Variants in HECW2 observed in about 807,000 individuals in gnomAD.
HECW2 encodes E3 ubiquitin-protein ligase HECW2.
Under a neutral mutation model 175.2 loss-of-function variants are expected in HECW2, and 61 were observed. That is an observed-to-expected ratio of 0.35 (90% CI 0.28 to 0.43). The LOEUF is 0.43. HECW2 is among the 20% of genes least tolerant of loss of function. The pLI is 1.00. For missense variants in HECW2, 1,524 were observed against 2,000.5 expected, an observed-to-expected ratio of 0.76 and a Z score of 4.54; for synonymous variants, 671 against 731.0, an observed-to-expected ratio of 0.92 and a Z score of 1.32.
intron 28 of HECW2, among the ~76,000 whole-genome samples, chr2:196,207,717 G>A (rs948456387): frequency 1.3e-5 from 2 of 152,112 alleles, no homozygotes; most frequent in Admixed American, 6.5e-5. Context: ...CACAAGGTTC[G>A]GCACTTAGTA....
In HECW2 at chr2:196,317,342, A is replaced by G. The variant is rs1691737511; in HGVS notation, c.2366T>C (p.Leu789Pro). ...GGSQANGHQP[L>P]RSLPSVRQDV... ...CTGGCGCACTGAAGGTAGTGATCGC[A>G]GTGGCTGGTGGCCGTTGGCTTGAGA... Residue 789 changes from leucine (L) to proline (P), a missense_variant, in exon 10 of 29, where the codon CTG becomes CCG. Around this residue, in one of 11 missense-constraint regions of HECW2, gnomAD observed 82 missense variants for 124.4 expected, o/e 0.66. Coordinates refer to ENST00000644978, the MANE Select transcript of HECW2 (RefSeq NM_001348768.2). 1 of 1,613,440 alleles carries G rather than the reference A, an allele frequency of 6.2e-7. No individual in the cohort carries two copies. The highest frequency in any genetic ancestry group is 8.5e-7 in the Non-Finnish European group (1 of 1,179,730).
At chr2:196,378,813 C>CA (rs1439005193) in intron 2 of HECW2, among the ~76,000 whole-genome samples, 2 of 151,998 alleles carry the variant, frequency 1.3e-5, no homozygotes, top group East Asian at 3.9e-4. Context: ...AAACATTAGA[C>CA]AAAAAAATCA....
In HECW2 at chr2:196,278,133, A is replaced by AAAAAAAAAATATATATATAT. The variant is rs531920307; in HGVS notation, c.3135+394_3135+395insATATATATATATTTTTTTTT. On this transcript the variant is annotated intron_variant, in intron 15 of 28. Coordinates refer to ENST00000644978, the MANE Select transcript of HECW2 (RefSeq NM_001348768.2). ...CCTAGAACTTAAAGTATAATTAAAA[A>AAAAAAAAAATATATATATAT]ATATATATATATATATATAAAGAAA... Among the ~76,000 whole-genome samples the AAAAAAAAAATATATATATAT allele has an allele frequency of 5.6e-3, 370 of 66,504 alleles. 8 individuals carry two copies. Among genetic ancestry groups the AAAAAAAAAATATATATATAT allele is most frequent in the African/African-American group, 0.015 (363 of 24,260 alleles). 43.6% of individuals were successfully genotyped at this position (66,504 alleles called of 152,430 possible). A position where few individuals can be genotyped will look rare whatever the true frequency, so the allele number is the denominator to read the frequency against.
intron 1 of HECW2, among the ~76,000 whole-genome samples, chr2:196,565,885 T>C (rs1257175086): frequency 6.6e-6 from 1 of 152,214 alleles, no homozygotes; most frequent in Non-Finnish European, 1.5e-5. Flanking sequence ...CTTTCCCTAC[T>C]TTCAAACTCA....
At chr2:196,248,986 A>G (rs1417860787) in intron 19 of HECW2, among the ~76,000 whole-genome samples, 1 of 152,160 alleles carries the variant, frequency 6.6e-6, no homozygotes. Context: ...TCATAGGCAC[A>G]ATGATCCCCC....
chr2:196,385,226 C>G (rs978904153), intron 2 of HECW2, among the ~76,000 whole-genome samples: 4 of 152,054 alleles, frequency 2.6e-5, no homozygotes, highest in African/African-American at 9.7e-5. Flanking sequence ...GGTTTCTTTT[C>G]TGTATCTCAT....
intron 1 of HECW2, among the ~76,000 whole-genome samples, chr2:196,549,817 G>A (rs562577543): frequency 8.5e-5 from 13 of 152,286 alleles, no homozygotes; most frequent in Middle Eastern, 3.4e-3. Context: ...GATACTCATA[G>A]CAAAGTATAT....
chr2:196,507,023 T>C (rs1200190265), intron 1 of HECW2, among the ~76,000 whole-genome samples: 2 of 152,202 alleles, frequency 1.3e-5, no homozygotes, highest in Non-Finnish European at 2.9e-5. Context: ...GGAATGGCTA[T>C]TAGAATTTTT....
chr2:196,204,468 C>T (rs1005325821), intron 28 of HECW2, among the ~76,000 whole-genome samples: 6 of 152,130 alleles, frequency 3.9e-5, no homozygotes, highest in African/African-American at 1.2e-4. Flanking sequence ...AAGAAGGAAG[C>T]TACTATGAAT....
intron 1 of HECW2, among the ~76,000 whole-genome samples, chr2:196,447,039 G>A (rs1696207378): frequency 6.6e-6 from 1 of 152,260 alleles, no homozygotes; most frequent in African/African-American, 2.4e-5. Flanking sequence ...TCATCTGGAA[G>A]AACCAAAAAA....
At chr2:196,211,125 C>T (rs1231914586) in intron 28 of HECW2, among the ~76,000 whole-genome samples, 1 of 152,032 alleles carries the variant, frequency 6.6e-6, no homozygotes, top group African/African-American at 2.4e-5. Context: ...AACGCTTTTC[C>T]CTTTGGCAAT....
At chr2:196,372,337 C>T (rs73053782) in intron 2 of HECW2, among the ~76,000 whole-genome samples, 3,640 of 152,238 alleles carry the variant, frequency 0.024, 152 homozygotes, top group African/African-American at 0.083. Context: ...TAATTTTCTC[C>T]CTTATTGAAG....
chr2:196,196,617 C>G lies in HECW2; in HGVS notation c.*4660G>C, dbSNP rs950391791. 7 of 152,326 alleles carry G rather than the reference C, an allele frequency of 4.6e-5. No individual in the cohort carries two copies. Among genetic ancestry groups the G allele is most frequent in the African/African-American group, 1.7e-4 (7 of 41,376 alleles). The allele number at this position is 152,326 out of a possible 1,614,324, so 9.4% of individuals were successfully genotyped here. A position where few individuals can be genotyped will look rare whatever the true frequency, so the allele number is the denominator to read the frequency against. ...TTCAAGACCAGCCTGGGCAACGTGGCAAAACCCTGTGTCTACAAAAAATAT... is the reference window on the plus strand; with the variant it reads ...TTCAAGACCAGCCTGGGCAACGTGGGAAAACCCTGTGTCTACAAAAAATAT... On this transcript the variant is annotated 3_prime_UTR_variant, in exon 29 of 29. Coordinates refer to ENST00000644978, the MANE Select transcript of HECW2 (RefSeq NM_001348768.2).
chr2:196,564,907 G>C (rs1417211748), intron 1 of HECW2, among the ~76,000 whole-genome samples: 1 of 150,026 alleles, frequency 6.7e-6, no homozygotes, highest in African/African-American at 2.4e-5. Flanking sequence ...GTACAGTCTA[G>C]TAGACAATAC....
chr2:196,456,482 T>C (rs530229375), intron 1 of HECW2, among the ~76,000 whole-genome samples: 3 of 152,318 alleles, frequency 2.0e-5, no homozygotes, highest in African/African-American at 7.2e-5. Context: ...TGTATATGGA[T>C]TGTAAATGGC....
chr2:196,544,858 G>C (rs1187678834), intron 1 of HECW2, among the ~76,000 whole-genome samples: 1 of 152,172 alleles, frequency 6.6e-6, no homozygotes, highest in Non-Finnish European at 1.5e-5. Flanking sequence ...AAAGGAAAAA[G>C]GGCCCCGCAG....
At chr2:196,308,403 A>C (rs113725616) in intron 10 of HECW2, among the ~76,000 whole-genome samples, 95 of 152,336 alleles carry the variant, frequency 6.2e-4, no homozygotes, top group South Asian at 4.3e-3. Context: ...AGTTGGTTTC[A>C]TAACACTTCA....
In HECW2 at chr2:196,397,497, G is replaced by A. The variant is rs190718304; in HGVS notation, c.292+35635C>T. Among the ~76,000 whole-genome samples the A allele has an allele frequency of 4.9e-4, 74 of 152,282 alleles. 1 individual carries two copies. In the East Asian group the frequency reaches 7.5e-3, roughly 15 times the overall value. On this transcript the variant is annotated intron_variant, in intron 2 of 28. Coordinates refer to ENST00000644978, the MANE Select transcript of HECW2 (RefSeq NM_001348768.2). Reference sequence around the variant, plus strand: ...AAATTCTTTTTGGGGTGAAGGCAGCGGAGGGCAAGGATAAAAGTGAGTTTG... The same window carrying A: ...AAATTCTTTTTGGGGTGAAGGCAGCAGAGGGCAAGGATAAAAGTGAGTTTG...
intron 1 of HECW2, among the ~76,000 whole-genome samples, chr2:196,524,959 C>T (rs1480545678): frequency 4.9e-5 from 7 of 141,786 alleles, no homozygotes; most frequent in Non-Finnish European, 6.0e-5. Context: ...TTCTGTTGAT[C>T]TGGGGTGGAG....
Sources: gnomAD v4.1 joint callset for allele counts (sites outside exome capture counted in the v4.1 genomes callset) on GRCh38, gnomAD v4.1.1 for gene constraint, gnomAD v4.1.1 regional missense constraint, MANE v1.5 for transcripts, NCBI Gene and HGNC (gene_info 2026-07-23, HGNC 2026-07-21) for gene names.